ZCCHC4: variants seen among roughly 807,000 people sequenced by gnomAD.
ZCCHC4 encodes the protein rRNA N(6)-adenosine-methyltransferase ZCCHC4.
A neutral mutation model predicts 67.7 loss-of-function variants in ZCCHC4; 54 were observed. That is an observed-to-expected ratio of 0.80 (90% confidence interval 0.64 to 1.00). ZCCHC4 has a LOEUF of 1.00. Ranked by LOEUF, ZCCHC4 falls within the 50% of genes least tolerant of loss-of-function variation. The pLI is 0.00. For missense variants in ZCCHC4, 609 were observed against 617.0 expected (o/e 0.99, Z 0.14); for synonymous variants, 198 against 213.5 (o/e 0.93, Z 0.63).
chr4:25,324,336 G>A (rs1352011709), intron 3 of ZCCHC4, among the ~76,000 whole-genome samples: 1 of 151,986 alleles, frequency 6.6e-6, no homozygotes, highest in Admixed American at 6.6e-5. Context: ...TTTTTTAAGG[G>A]CAGGTGCATT....
intron 6 of ZCCHC4, among the ~76,000 whole-genome samples, chr4:25,347,830 T>C (rs964081144): frequency 1.3e-5 from 2 of 152,184 alleles, no homozygotes; most frequent in Non-Finnish European, 2.9e-5. Flanking sequence ...TTAAAGTATG[T>C]AGAGAGGATG....
At chr4:25,365,941 G>A in intron 12 of ZCCHC4, 1 of 983,518 alleles carries the variant, frequency 1.0e-6, no homozygotes, top group Non-Finnish European at 1.2e-6. Context: ...GAAAACTAAT[G>A]TTACACAGTT....
chr4:25,334,060 G>A (rs1719328408), intron 5 of ZCCHC4, 72 bp downstream of exon 5: 3 of 1,030,448 alleles, frequency 2.9e-6, no homozygotes, highest in South Asian at 3.8e-5. Context: ...GTTTTTAATT[G>A]TTTATACTCT....
At chr4:25,348,053 A>T (rs974979427) in intron 6 of ZCCHC4, among the ~76,000 whole-genome samples, 3 of 152,200 alleles carry the variant, frequency 2.0e-5, no homozygotes, top group African/African-American at 7.2e-5. Context: ...GTTAGACATC[A>T]TTTACTTGTA....
chr4:25,345,579 T>C lies in ZCCHC4; in HGVS notation c.718T>C (p.Cys240Arg). 1 of 1,569,742 alleles carries C rather than the reference T, an allele frequency of 6.4e-7. No individual in the cohort carries two copies. The highest frequency in any genetic ancestry group is 8.7e-7 in the Non-Finnish European group (1 of 1,143,846). ...ACAGTTTTATATGGAAGATAGCTTT[T>C]GCCATTATAATATGTTTAACCATCA... ...YSQFYMEDSFCHYNMFNHHFF... is the reference protein window; with the variant it reads ...YSQFYMEDSFRHYNMFNHHFF... Residue 240 changes from cysteine (C) to arginine (R), a missense_variant, in exon 6 of 13, where the codon TGC becomes CGC. Coordinates refer to ENST00000302874, the MANE Select transcript of ZCCHC4 (RefSeq NM_024936.3).
intron 3 of ZCCHC4, among the ~76,000 whole-genome samples, chr4:25,327,083 T>A (rs1180790356): frequency 6.6e-6 from 1 of 152,250 alleles, no homozygotes; most frequent in Non-Finnish European, 1.5e-5. Flanking sequence ...TCTAGCAGGC[T>A]TTTTGAAGAT....
chr4:25,332,891 G>A (rs1719256609), intron 3 of ZCCHC4, among the ~76,000 whole-genome samples: 1 of 152,126 alleles, frequency 6.6e-6, no homozygotes, highest in Admixed American at 6.6e-5. Context: ...TTACTACTAA[G>A]TTGTTTGAGT....
At chr4:25,326,049 A>C (rs1718868870) in intron 3 of ZCCHC4, among the ~76,000 whole-genome samples, 1 of 152,228 alleles carries the variant, frequency 6.6e-6, no homozygotes, top group African/African-American at 2.4e-5. Flanking sequence ...AGTGGTATAC[A>C]ACGACATAGA....
At chr4:25,365,820 A>G (rs1196745019) in intron 12 of ZCCHC4, 7 of 985,350 alleles carry the variant, frequency 7.1e-6, no homozygotes, top group South Asian at 9.4e-5. Context: ...TCCCCAAAAC[A>G]AAACAAAAAG....
At chr4:25,352,694 C>T (rs144779517) in intron 8 of ZCCHC4, among the ~76,000 whole-genome samples, 42 of 152,310 alleles carry the variant, frequency 2.8e-4, no homozygotes, top group Non-Finnish European at 5.0e-4. Flanking sequence ...GGATTACAGG[C>T]GTGAGCCATT....
At chr4:25,360,583 A>G (rs1188177113) in intron 8 of ZCCHC4, among the ~76,000 whole-genome samples, 1 of 152,222 alleles carries the variant, frequency 6.6e-6, no homozygotes, top group African/African-American at 2.4e-5. Context: ...TTCATGGATA[A>G]CAATCCCCCA....
chr4:25,354,646 G>A (rs994138392), intron 8 of ZCCHC4, among the ~76,000 whole-genome samples: 1 of 151,558 alleles, frequency 6.6e-6, no homozygotes, highest in Admixed American at 6.6e-5. Context: ...TTTTTCTTTT[G>A]TTACTTTAAC....
intron 3 of ZCCHC4, among the ~76,000 whole-genome samples, chr4:25,325,192 C>T (rs1403342630): frequency 1.7e-5 from 2 of 116,322 alleles, no homozygotes; most frequent in Admixed American, 9.9e-5. Context: ...TGCAGTGAGC[C>T]GAGATCTCGC....
At chr4:25,368,820 AT>A (rs1034486863) in intron 12 of ZCCHC4, among the ~76,000 whole-genome samples, 21 of 151,658 alleles carry the variant, frequency 1.4e-4, no homozygotes, top group African/African-American at 4.4e-4. Flanking sequence ...CTTTTAAAGA[AT>A]TTTTTTTTCT....
chr4:25,340,373 C>T (rs1442155159), intron 5 of ZCCHC4, among the ~76,000 whole-genome samples: 1 of 152,174 alleles, frequency 6.6e-6, no homozygotes, highest in Non-Finnish European at 1.5e-5. Flanking sequence ...CCCTATGCCA[C>T]TCTTACACAG....
intron 7 of ZCCHC4, among the ~76,000 whole-genome samples, chr4:25,351,216 G>A (rs545930818): frequency 7.5e-4 from 114 of 152,254 alleles, no homozygotes; most frequent in Non-Finnish European, 1.2e-3. Flanking sequence ...GATTCACACC[G>A]AAGACCTACT....
intron 5 of ZCCHC4, among the ~76,000 whole-genome samples, chr4:25,339,118 A>T (rs974194734): frequency 6.6e-6 from 1 of 152,138 alleles, no homozygotes; most frequent in Non-Finnish European, 1.5e-5. Context: ...GGCGTTTCTT[A>T]CTATGTCCAA....
rs568839533 is a variant in ZCCHC4 at position 25,367,414 on chromosome 4, G to A, written c.1407-1615G>A. Among the ~76,000 whole-genome samples the A allele has an allele frequency of 7.2e-5, 11 of 152,130 alleles. 1 individual carries two copies. In the South Asian group the frequency reaches 1.7e-3, roughly 23 times the overall value. On this transcript the variant is annotated intron_variant, in intron 12 of 12. Transcript: ENST00000302874. ...TATTTTCCTCCTGTTTCTGTTTACC[G>A]TATCCCCTAGTGAAAGTTCATTCAT...
intron 3 of ZCCHC4, 42 bp downstream of exon 3, chr4:25,315,442 AT>A (rs750823492): frequency 1.3e-4 from 200 of 1,482,732 alleles, no homozygotes; most frequent in South Asian, 4.6e-4. Flanking sequence ...TTTAGCTGTC[AT>A]TTTTTTTGTT....
Sources: allele counts gnomAD v4.1 joint callset (sites outside exome capture counted in the v4.1 genomes callset), GRCh38; gene constraint gnomAD v4.1.1; transcripts MANE v1.5; gene names NCBI Gene and HGNC (gene_info 2026-07-23, HGNC 2026-07-21).